Variants in SEC14L5 observed in about 807,000 individuals in gnomAD.
SEC14L5 encodes the protein SEC14 like lipid binding 5.
Under a neutral mutation model 84.6 loss-of-function variants are expected in SEC14L5, and 96 were observed. That is an observed-to-expected ratio of 1.13 (90% CI 0.96 to 1.34). SEC14L5 has a LOEUF of 1.34. Ranked by LOEUF, SEC14L5 falls within the 40% of genes most tolerant of loss-of-function variation. SEC14L5 has a pLI of 0.00. For missense variants in SEC14L5, 1,224 were observed against 942.5 expected, an observed-to-expected ratio of 1.30 and a Z score of -3.91; for synonymous variants, 546 against 383.4, an observed-to-expected ratio of 1.42 and a Z score of -4.95.
chr16:4,992,128 C>T (rs1424829106), intron 6 of SEC14L5, 98 bp downstream of exon 6: 8 of 838,028 alleles, frequency 9.5e-6, no homozygotes, highest in East Asian at 2.9e-5. Context: ...AATTGCCTGC[C>T]GTCCCCCCTG....
intron 2 of SEC14L5, among the ~76,000 whole-genome samples, chr16:4,974,509 G>A (rs567531100): frequency 3.3e-5 from 5 of 151,690 alleles, no homozygotes; most frequent in African/African-American, 1.2e-4. Context: ...GGCCTGACCT[G>A]CATACTTAAA....
intron 10 of SEC14L5, among the ~76,000 whole-genome samples, chr16:5,002,045 C>T (rs758960867): frequency 8.5e-5 from 13 of 152,336 alleles, no homozygotes; most frequent in Non-Finnish European, 1.5e-4. Context: ...GTTGGGATTA[C>T]AGGCGTCAGC....
intron 11 of SEC14L5, among the ~76,000 whole-genome samples, chr16:5,004,439 C>T (rs1955709747): frequency 6.6e-6 from 1 of 152,126 alleles, no homozygotes; most frequent in Admixed American, 6.6e-5. Context: ...CCAGATGGTT[C>T]AAATGAGGGG....
intron 4 of SEC14L5, 100 bp downstream of exon 4, chr16:4,988,380 C>A: frequency 7.0e-7 from 1 of 1,420,636 alleles, no homozygotes; most frequent in Non-Finnish European, 9.5e-7. Flanking sequence ...GAGCCTCTGC[C>A]AAGCCCTCCC....
chr16:4,998,428 C>T (rs1955637183), intron 8 of SEC14L5, among the ~76,000 whole-genome samples: 1 of 151,944 alleles, frequency 6.6e-6, no homozygotes, highest in African/African-American at 2.4e-5. Flanking sequence ...CGACACTTTC[C>T]AATGTCCTTT....
In SEC14L5 at chr16:4,996,850, C is replaced by T; in HGVS notation, c.781-5C>T. 6.2e-7 allele frequency: 1 copy of T among 1,606,596 alleles called. No individual in the cohort carries two copies. The highest frequency in any genetic ancestry group is 1.3e-5 in the African/African-American group (1 of 74,570). ...CTGTGGGCTTTTTACTTCTTTGTCT[C>T]TCAGATTCCCAAAGATGAGCACATC... On this transcript the variant is annotated splice_region_variant and splice_polypyrimidine_tract_variant and intron_variant, in intron 7 of 15. Transcript: ENST00000251170.
intron 6 of SEC14L5, among the ~76,000 whole-genome samples, chr16:4,992,405 C>G (rs549299744): frequency 2.6e-5 from 4 of 152,254 alleles, no homozygotes; most frequent in African/African-American, 4.8e-5. Context: ...CATCTGCCAC[C>G]ACACCCGGCC....
At chr16:4,997,601 T>TA (rs1403005482) in intron 8 of SEC14L5, among the ~76,000 whole-genome samples, 2 of 152,082 alleles carry the variant, frequency 1.3e-5, no homozygotes, top group African/African-American at 4.8e-5. Flanking sequence ...ATCGTAAAGG[T>TA]AACAGGTGCA....
chr16:5,010,453 G>A (rs1445338748), intron 14 of SEC14L5, among the ~76,000 whole-genome samples: 1 of 152,120 alleles, frequency 6.6e-6, no homozygotes, highest in Non-Finnish European at 1.5e-5. Context: ...ACATTCTCCA[G>A]GAGGCTGGCA....
intron 13 of SEC14L5, among the ~76,000 whole-genome samples, chr16:5,007,811 G>T (rs1466818019): frequency 6.6e-6 from 1 of 151,332 alleles, no homozygotes; most frequent in Non-Finnish European, 1.5e-5. Context: ...TCGTCATGTT[G>T]GTCAGGCTGG....
Position 4,996,990 on chromosome 16 carries a change from C to G in SEC14L5, c.916C>G (p.Pro306Ala). The G allele has an allele frequency of 3.1e-6, 5 of 1,613,452 alleles. No individual in the cohort carries two copies. The highest frequency in any genetic ancestry group is 4.2e-6 in the Non-Finnish European group (5 of 1,179,648). ...QVDLLLQTWQ[P>A]PALLEEFYAG... ...GGATCTCCTCCTTCAGACCTGGCAA[C>G]CCCCTGCCCTGCTGGAGGAGTTCTA... Residue 306 changes from proline to alanine, a missense_variant, in exon 8 of 16, where the codon CCC (proline) becomes GCC (alanine). Transcript: ENST00000251170.
intron 2 of SEC14L5, among the ~76,000 whole-genome samples, chr16:4,985,320 G>T (rs989720096): frequency 2.0e-5 from 3 of 152,104 alleles, no homozygotes; most frequent in African/African-American, 7.2e-5. Context: ...CCGCCTCCTG[G>T]GTTCAAGTGA....
intron 4 of SEC14L5, among the ~76,000 whole-genome samples, chr16:4,989,074 G>A (rs771192316): frequency 4.6e-5 from 7 of 152,220 alleles, no homozygotes; most frequent in East Asian, 3.9e-4. Context: ...CATGAGTGAG[G>A]TCTGCCAAGG....
chr16:4,973,125 CTG>C (rs1255339779), intron 2 of SEC14L5, among the ~76,000 whole-genome samples: 1 of 152,280 alleles, frequency 6.6e-6, no homozygotes, highest in Non-Finnish European at 1.5e-5. Flanking sequence ...CTGAGAAAAA[CTG>C]AGCCTCAGAG....
Position 4,996,992 on chromosome 16 carries a change from C to T in SEC14L5, c.918C>T (p.Pro306=), listed in dbSNP as rs1955619870. ...ATCTCCTCCTTCAGACCTGGCAACCCCCTGCCCTGCTGGAGGAGTTCTATG... is the reference window on the plus strand; with the variant it reads ...ATCTCCTCCTTCAGACCTGGCAACCTCCTGCCCTGCTGGAGGAGTTCTATG... ...QVDLLLQTWQ[P]PALLEEFYAG... Residue 306 remains proline, a synonymous_variant, in exon 8 of 16, where the codon CCC becomes CCT. Coordinates refer to ENST00000251170, the MANE Select transcript of SEC14L5 (RefSeq NM_014692.2). The T allele has an allele frequency of 1.9e-6, 3 of 1,613,242 alleles. No individual in the cohort carries two copies. The highest frequency in any genetic ancestry group is 1.7e-5 in the Admixed American group (1 of 59,920).
intron 2 of SEC14L5, among the ~76,000 whole-genome samples, chr16:4,986,179 G>T (rs1232016363): frequency 6.7e-6 from 1 of 148,740 alleles, no homozygotes; most frequent in Non-Finnish European, 1.5e-5. Flanking sequence ...CGCTCTTGTC[G>T]CCCAGACTGG....
intron 8 of SEC14L5, among the ~76,000 whole-genome samples, chr16:4,998,726 A>G (rs1403153921): frequency 8.5e-6 from 1 of 117,816 alleles, no homozygotes; most frequent in Non-Finnish European, 1.7e-5. Flanking sequence ...CGACAGAGCG[A>G]GACTCCGTCT....
At chr16:4,967,426 C>T (rs1301378676) in intron 2 of SEC14L5, among the ~76,000 whole-genome samples, 1 of 152,044 alleles carries the variant, frequency 6.6e-6, no homozygotes, top group Non-Finnish European at 1.5e-5. Context: ...TTTACAGGTA[C>T]CAGGGCTTAG....
At chr16:4,969,783 A>G (rs7192302) in intron 2 of SEC14L5, among the ~76,000 whole-genome samples, 61,319 of 151,028 alleles carry the variant, frequency 0.41, 12,995 homozygotes, top group Non-Finnish European at 0.47. Flanking sequence ...TCCAGGAAGA[A>G]AAGACTGTGT....
Sources: allele counts gnomAD v4.1 joint callset (sites outside exome capture counted in the v4.1 genomes callset), GRCh38; gene constraint gnomAD v4.1.1; transcripts MANE v1.5; gene names NCBI Gene and HGNC (gene_info 2026-07-23, HGNC 2026-07-21).